Variants in UBE2G2 observed in about 807,000 individuals in gnomAD.
UBE2G2 encodes ubiquitin-conjugating enzyme E2 G2.
UBE2G2 carries 10 observed loss-of-function variants against 23.0 expected under a neutral mutation model. The ratio of observed to expected loss-of-function variants is 0.43; its 90% CI spans 0.27 to 0.74. UBE2G2 has a LOEUF of 0.74. Ranked by LOEUF, UBE2G2 falls within the 30% of genes least tolerant of loss-of-function variation. The pLI is 0.19. For synonymous variants in UBE2G2, 86 were observed against 81.3 expected (o/e 1.06, Z -0.31); for missense variants, 150 against 218.3 (o/e 0.69, Z 1.97).
At chr21:44,773,204 G>A (rs969732745) in intron 5 of UBE2G2, among the ~76,000 whole-genome samples, 5 of 152,174 alleles carry the variant, frequency 3.3e-5, no homozygotes, top group Non-Finnish European at 4.4e-5. Context: ...TCCCTAGAAC[G>A]TAGGAACAAA....
At chr21:44,782,061 T>C (rs2082961682) in intron 3 of UBE2G2, among the ~76,000 whole-genome samples, 1 of 152,204 alleles carries the variant, frequency 6.6e-6, no homozygotes, top group Non-Finnish European at 1.5e-5. Flanking sequence ...ACATAAACTT[T>C]GACCTTATTT....
chr21:44,786,139 G>A (rs926928666), intron 3 of UBE2G2, among the ~76,000 whole-genome samples: 3 of 152,272 alleles, frequency 2.0e-5, no homozygotes, highest in South Asian at 2.1e-4. Flanking sequence ...CAGGCCTCCC[G>A]CCACTCTGGG....
intron 1 of UBE2G2, among the ~76,000 whole-genome samples, chr21:44,793,475 G>A (rs1311651488): frequency 6.6e-6 from 1 of 152,204 alleles, no homozygotes; most frequent in Non-Finnish European, 1.5e-5. Flanking sequence ...TGGCCTTCCC[G>A]CCAGCTTTGT....
At chr21:44,773,362 A>G (rs1253624581) in intron 5 of UBE2G2, among the ~76,000 whole-genome samples, 185 bp downstream of exon 5, 1 of 152,216 alleles carries the variant, frequency 6.6e-6, no homozygotes, top group Non-Finnish European at 1.5e-5. Context: ...ATACAACCCC[A>G]GGCTATGCTA....
Position 44,771,393 on chromosome 21 carries a change from T to G in UBE2G2, c.482A>C (p.Lys161Thr). 1.2e-6 allele frequency: 2 copies of G among 1,612,976 alleles called. No individual in the cohort carries two copies. Among genetic ancestry groups the G allele is most frequent in the Non-Finnish European group, 1.7e-6 (2 of 1,180,024 alleles). The change falls in exon 6 of 6, where the codon AAG (lysine) becomes ACG (threonine). Residue 161 changes from lysine (K) to threonine (T), a missense_variant. Lys to Thr is a moderately conservative substitution (Grantham distance 78). Coordinates refer to ENST00000345496, the MANE Select transcript of UBE2G2 (RefSeq NM_003343.6). This position sits in a 1 kb window ranked among gnomAD's most constrained non-coding sequence, Gnocchi z 4.6. ...GGCCAGGTCTCACAGTCCCAGAGACTTCTGGACGATCTGCTTGGCAATCTT... is the reference window on the plus strand; with the variant it reads ...GGCCAGGTCTCACAGTCCCAGAGACGTCTGGACGATCTGCTTGGCAATCTT... ...FYKIAKQIVQ[K>T]SLGL
chr21:44,773,824 C>T (rs1193091542), intron 4 of UBE2G2, 137 bp from the exon 5 acceptor site: 1 of 1,223,520 alleles, frequency 8.2e-7, no homozygotes, highest in Admixed American at 2.7e-5. Context: ...GGGGCATAGC[C>T]TGGGGCCCTG....
At chr21:44,799,649 T>G (rs1424649935) in intron 1 of UBE2G2, among the ~76,000 whole-genome samples, 1 of 152,248 alleles carries the variant, frequency 6.6e-6, no homozygotes, top group East Asian at 1.9e-4. Flanking sequence ...TGGTTTGATC[T>G]TCTATCCAAA....
In UBE2G2 at chr21:44,792,497, G is replaced by A. The variant is rs112871277; in HGVS notation, c.44-4402C>T. Among the ~76,000 whole-genome samples, 199 of 152,228 alleles carry A rather than the reference G, an allele frequency of 1.3e-3. 1 individual carries two copies. Among genetic ancestry groups the A allele is most frequent in the African/African-American group, 4.3e-3 (177 of 41,526 alleles). On this transcript the variant is annotated intron_variant, in intron 1 of 5. Transcript: ENST00000345496. ...ATAAGTGTGTGGCAAGTTCTTCCTT[G>A]GCTTGCTCTTCTCTCTCCTACCGCC...
Position 44,772,957 on chromosome 21 carries a change from C to T in UBE2G2, c.385+590G>A, listed in dbSNP as rs561882671. Reference sequence around the variant, plus strand: ...GGCTCCTCTCCCTGCAGCCTTGGCTCCAGCCAAAATGAGCTGGCAGTGCCC... The same window carrying T: ...GGCTCCTCTCCCTGCAGCCTTGGCTTCAGCCAAAATGAGCTGGCAGTGCCC... On this transcript the variant is annotated intron_variant, in intron 5 of 5. Transcript: ENST00000345496. The surrounding 1 kb of genome is among the most constrained non-coding windows in gnomAD (Gnocchi z 5.4). 1.3e-5 allele frequency among the ~76,000 whole-genome samples: 2 copies of T among 152,324 alleles called. No homozygotes were observed. The highest frequency in any genetic ancestry group is 4.8e-5 in the African/African-American group (2 of 41,580).
At chr21:44,774,701 G>T (rs1270327185) in intron 4 of UBE2G2, 1 of 456,254 alleles carries the variant, frequency 2.2e-6, no homozygotes, top group Admixed American at 2.4e-5. Context: ...GAGAGTGGAA[G>T]AAACTAGATG....
chr21:44,778,046 T>C (rs1352934370), intron 3 of UBE2G2, among the ~76,000 whole-genome samples: 4 of 152,116 alleles, frequency 2.6e-5, no homozygotes, highest in Non-Finnish European at 5.9e-5. Context: ...AAAGAACTAA[T>C]GTCAATGCTC....
chr21:44,771,125 T>C lies in UBE2G2; in HGVS notation c.*252A>G. The C allele has an allele frequency of 2.2e-6, 1 of 464,522 alleles. No homozygotes were observed. Among genetic ancestry groups the C allele is most frequent in the South Asian group, 2.8e-5 (1 of 36,206 alleles). 28.8% of individuals were successfully genotyped at this position (464,522 alleles called of 1,614,324 possible). A position where few individuals can be genotyped will look rare whatever the true frequency, so the allele number is the denominator to read the frequency against. On this transcript the variant is annotated 3_prime_UTR_variant, in exon 6 of 6. Transcript: ENST00000345496. The surrounding 1 kb of genome is among the most constrained non-coding windows in gnomAD (Gnocchi z 4.6). ...CGGGGAGAGGTAGTGCTGACAGCTCTGATAATCTACCTGAAGCCCTTTGTG... is the reference window on the plus strand; with the variant it reads ...CGGGGAGAGGTAGTGCTGACAGCTCCGATAATCTACCTGAAGCCCTTTGTG...
Position 44,771,224 on chromosome 21 carries a change from GAAGTAGGAAAGGTTTGA to G in UBE2G2, c.*136_*152del. 1 of 642,212 alleles carries G rather than the reference GAAGTAGGAAAGGTTTGA, an allele frequency of 1.6e-6. No individual in the cohort carries two copies. The highest frequency in any genetic ancestry group is 1.8e-5 in the African/African-American group (1 of 54,892). The allele number at this position is 642,212 out of a possible 1,614,324, so 39.8% of individuals were successfully genotyped here. On this transcript the variant is annotated 3_prime_UTR_variant, in exon 6 of 6. Coordinates refer to ENST00000345496, the MANE Select transcript of UBE2G2 (RefSeq NM_003343.6). The surrounding 1 kb of genome is among the most constrained non-coding windows in gnomAD (Gnocchi z 4.6). ...ATCATTTCAGAAGAGAAGCCTGTTT[GAAGTAGGAAAGGTTTGA>G]AAAAAAAAAAAGATGCCATGGTTCT...
In UBE2G2 at chr21:44,778,590, A is replaced by G. The variant is rs149091459; in HGVS notation, c.126-1173T>C. 4.1e-4 allele frequency among the ~76,000 whole-genome samples: 62 copies of G among 152,334 alleles called. No individual in the cohort carries two copies. The East Asian group carries it at 0.01, about 25-fold the overall frequency. The stretch of plus-strand genomic sequence containing the variant: ...CTATGCCTGTACCTTCACACCAGGG[A>G]CGAACTCCTCTTCTCCTACAAATCA... On this transcript the variant is annotated intron_variant, in intron 3 of 5. Transcript: ENST00000345496.
intron 1 of UBE2G2, 94 bp downstream of exon 1, chr21:44,801,612 C>T: frequency 7.1e-7 from 1 of 1,406,980 alleles, no homozygotes; most frequent in Non-Finnish European, 9.2e-7. Context: ...GGCCCGGCTC[C>T]CCCGCCAGGC....
intron 3 of UBE2G2, among the ~76,000 whole-genome samples, chr21:44,783,460 A>C (rs2082971802): frequency 6.6e-6 from 1 of 152,266 alleles, no homozygotes. Flanking sequence ...CAGTGTGACA[A>C]GACAAGTGTT....
At position 44,794,159 on chromosome 21, in the gene UBE2G2, C is replaced by G. The variant is rs1187578369; in HGVS notation, c.44-6064G>C. 2.0e-5 allele frequency among the ~76,000 whole-genome samples: 3 copies of G among 152,286 alleles called. No individual in the cohort carries two copies. The East Asian group carries it at 5.8e-4, about 29-fold the overall frequency. On this transcript the variant is annotated intron_variant, in intron 1 of 5. Transcript: ENST00000345496. ...TAGAGGACAGAGCCTCAGAAGAAAC[C>G]AGCCCTGCCCTATCCTTGATCTTGG...
At position 44,801,512 on chromosome 21, in the gene UBE2G2, C is replaced by G. The variant is rs1464088092; in HGVS notation, c.43+194G>C. On this transcript the variant is annotated intron_variant, in intron 1 of 5. Coordinates refer to ENST00000345496, the MANE Select transcript of UBE2G2 (RefSeq NM_003343.6). ...GCCTTTACTGATGCTGGGAAGGCTT[C>G]TCTTCACGACTTCACGCGTGAGAGT... 2.7e-6 allele frequency: 3 copies of G among 1,091,472 alleles called. No homozygotes were observed. In the African/African-American group the frequency reaches 5.0e-5, roughly 18 times the overall value. 67.6% of individuals were successfully genotyped at this position (1,091,472 alleles called of 1,614,324 possible).
At chr21:44,797,630 G>A (rs1555964048) in intron 1 of UBE2G2, among the ~76,000 whole-genome samples, 1 of 147,712 alleles carries the variant, frequency 6.8e-6, no homozygotes, top group Non-Finnish European at 1.5e-5. Context: ...CAGGAGAATG[G>A]CATGAACCCG....
Sources: allele counts gnomAD v4.1 joint callset (sites outside exome capture counted in the v4.1 genomes callset), GRCh38; gene constraint gnomAD v4.1.1; non-coding constraint Gnocchi (gnomAD v3.1); transcripts MANE v1.5; gene names NCBI Gene and HGNC (gene_info 2026-07-23, HGNC 2026-07-21).